The following SNX19 variants were observed in gnomAD, a reference collection of about 807,000 sequenced individuals.
SNX19 encodes the protein sorting nexin-19.
In SNX19, 60 loss-of-function variants were observed where a neutral mutation model predicts 85.2. The ratio of observed to expected loss-of-function variants is 0.70; its 90% confidence interval spans 0.57 to 0.87. SNX19 has a LOEUF of 0.87. Ranked by LOEUF, SNX19 falls within the 40% of genes least tolerant of loss-of-function variation. SNX19 has a pLI of 0.00. For missense variants in SNX19, 1,201 were observed against 1,217.8 expected, an observed-to-expected ratio of 0.99 and a Z score of 0.21; for synonymous variants, 520 against 470.0, an observed-to-expected ratio of 1.11 and a Z score of -1.38.
rs938162241 is a variant in SNX19, at chr11:130,911,418, T to C, written c.1813+215A>G. On this transcript the variant is annotated intron_variant, in intron 2 of 10. Coordinates refer to ENST00000265909, the MANE Select transcript of SNX19 (RefSeq NM_014758.3). ...TTTTTAATCTTAAACTAGATGGGGC[T>C]CCAGAACAAAGCAGTTGGCAGTAAA... 3.7e-6 allele frequency: 5 copies of C among 1,350,018 alleles called. No individual in the cohort carries two copies. The African/African-American group carries it at 5.9e-5, about 16-fold the overall frequency. The allele number at this position is 1,350,018 out of a possible 1,614,324, so 83.6% of individuals were successfully genotyped here.
chr11:130,873,569 T>C lies in SNX19; in HGVS notation c.*4853A>G, dbSNP rs1264906955. Among the ~76,000 whole-genome samples, 1 of 152,166 alleles carries C rather than the reference T, an allele frequency of 6.6e-6. No individual in the cohort carries two copies. Among genetic ancestry groups the C allele is most frequent in the Non-Finnish European group, 1.5e-5 (1 of 68,014 alleles). On this transcript the variant is annotated 3_prime_UTR_variant, in exon 11 of 11. Transcript: ENST00000265909. ...TAAGACATAACCACTCTGTGCCTCA[T>C]GTTCCCCACCTAGAAAATGGGGATA... is the stretch of plus-strand genomic sequence containing the variant.
At chr11:130,889,041 T>C (rs907307320) in intron 8 of SNX19, among the ~76,000 whole-genome samples, 2 of 152,164 alleles carry the variant, frequency 1.3e-5, no homozygotes, top group South Asian at 4.1e-4. Flanking sequence ...TACTACAGCA[T>C]CTGTCCCAAA....
chr11:130,893,562 T>TA, intron 8 of SNX19, among the ~76,000 whole-genome samples: 1 of 152,052 alleles, frequency 6.6e-6, no homozygotes, highest in Admixed American at 6.5e-5. Context: ...GGCTGAAATG[T>TA]AAAACCTTTC....
Position 130,915,884 on chromosome 11 carries a change from T to A in SNX19, c.56A>T (p.His19Leu). The change falls in exon 1 of 11, where the codon CAC (histidine) becomes CTC (leucine). Residue 19 changes from histidine (H) to leucine (L), a missense_variant. Coordinates refer to ENST00000265909, the MANE Select transcript of SNX19 (RefSeq NM_014758.3). ...FQETPAGSSC[H>L]LNNLLSSRKL... Reference sequence around the variant, plus strand: ...CCGGCTACTCAACAGGTTATTGAGGTGACAGCTCGATCCAGCTGGAGTTTC... The same window carrying A: ...CCGGCTACTCAACAGGTTATTGAGGAGACAGCTCGATCCAGCTGGAGTTTC... The A allele has an allele frequency of 6.2e-7, 1 of 1,614,134 alleles. No homozygotes were observed. Among genetic ancestry groups the A allele is most frequent in the Non-Finnish European group, 8.5e-7 (1 of 1,179,994 alleles).
At position 130,872,932 on chromosome 11, in the gene SNX19, C is replaced by T. The variant is rs117410247; in HGVS notation, c.*5490G>A. Among the ~76,000 whole-genome samples, 626 of 152,270 alleles carry T rather than the reference C, an allele frequency of 4.1e-3. 2 individuals are homozygous for T. Among genetic ancestry groups the T allele is most frequent in the Middle Eastern group, 0.01 (3 of 294 alleles). Reference sequence around the variant, plus strand: ...GGTGTGGAGGGGGCTGTGGGAGGTACGGCTTGCCAGGACAACTTGGCTGAA... The same window carrying T: ...GGTGTGGAGGGGGCTGTGGGAGGTATGGCTTGCCAGGACAACTTGGCTGAA... On this transcript the variant is annotated 3_prime_UTR_variant, in exon 11 of 11. Coordinates refer to ENST00000265909, the MANE Select transcript of SNX19 (RefSeq NM_014758.3).
chr11:130,869,981 A>C lies in SNX19; in HGVS notation c.*8441T>G, dbSNP rs1412129259. ...AATAGGAGAAATGACAGATATGAAG[A>C]GTTTTTTGAAGAAAGTTTCTTCTCT... On this transcript the variant is annotated 3_prime_UTR_variant, in exon 11 of 11. Transcript: ENST00000265909. The C allele has an allele frequency of 6.6e-6, 1 of 152,098 alleles. No individual in the cohort carries two copies. Among genetic ancestry groups the C allele is most frequent in the Non-Finnish European group, 1.5e-5 (1 of 68,012 alleles). 9.4% of individuals were successfully genotyped at this position (152,098 alleles called of 1,614,324 possible).
In SNX19 at chr11:130,902,871, C is replaced by G. The variant is rs1244242468; in HGVS notation, c.2573+384G>C. Among the ~76,000 whole-genome samples the G allele has an allele frequency of 2.0e-5, 3 of 152,154 alleles. No individual in the cohort carries two copies. In the East Asian group the frequency reaches 5.8e-4, roughly 29 times the overall value. On this transcript the variant is annotated intron_variant, in intron 8 of 10. Coordinates refer to ENST00000265909, the MANE Select transcript of SNX19 (RefSeq NM_014758.3). ...TGATCTGTTTTCTCCTTTTCTTTCC[C>G]ACTGTTTATCATCACAGTGATGACA...
intron 2 of SNX19, among the ~76,000 whole-genome samples, chr11:130,910,850 A>T (rs1216920372): frequency 6.6e-6 from 1 of 152,216 alleles, no homozygotes; most frequent in East Asian, 1.9e-4. Context: ...AATCATTTTT[A>T]AAAAACAAAG....
chr11:130,901,150 C>T (rs1409671952), intron 8 of SNX19, among the ~76,000 whole-genome samples: 1 of 152,200 alleles, frequency 6.6e-6, no homozygotes, highest in African/African-American at 2.4e-5. Flanking sequence ...CCTTGGCCTA[C>T]ATCCACTAGA....
intron 1 of SNX19, among the ~76,000 whole-genome samples, chr11:130,913,121 C>T (rs1010969823): frequency 6.6e-6 from 1 of 152,096 alleles, no homozygotes; most frequent in South Asian, 2.1e-4. Context: ...TTCTATCCAT[C>T]AACTTAATTT....
chr11:130,916,300 G>A lies in SNX19; in HGVS notation c.-361C>T, dbSNP rs1946580564. The A allele has an allele frequency of 8.7e-6, 2 of 229,744 alleles. No homozygotes were observed. The highest frequency in any genetic ancestry group is 4.5e-5 in the African/African-American group (2 of 44,146). The allele number at this position is 229,744 out of a possible 1,614,324, so 14.2% of individuals were successfully genotyped here. ...CTTACACACGCAGCGGGCAGCGGCC[G>A]GCGAAGACTGGGTCACACGCCGCCG... On this transcript the variant is annotated 5_prime_UTR_variant, in exon 1 of 11. Transcript: ENST00000265909.
intron 8 of SNX19, among the ~76,000 whole-genome samples, chr11:130,888,855 T>C (rs1592298191): frequency 2.0e-5 from 3 of 152,340 alleles, no homozygotes; most frequent in Admixed American, 2.0e-4. Context: ...TTACGTGCTC[T>C]ATTATTATTT....
At chr11:130,904,642 TAAG>T (rs151031379) in intron 7 of SNX19, among the ~76,000 whole-genome samples, 23,994 of 151,390 alleles carry the variant, frequency 0.16, 2,143 homozygotes, top group Middle Eastern at 0.25. Flanking sequence ...CAGTGAAAAA[TAAG>T]AAAGCAAACA....
chr11:130,884,055 G>C (rs1943879223), intron 8 of SNX19, among the ~76,000 whole-genome samples: 1 of 152,182 alleles, frequency 6.6e-6, no homozygotes, highest in South Asian at 2.1e-4. Context: ...ACTGCCACTG[G>C]TTCTTGAGAG....
At chr11:130,902,221 A>G (rs897918122) in intron 8 of SNX19, among the ~76,000 whole-genome samples, 5 of 152,220 alleles carry the variant, frequency 3.3e-5, no homozygotes, top group Non-Finnish European at 7.3e-5. Flanking sequence ...ACCACTATAA[A>G]AAAGTACATG....
At chr11:130,901,715 C>T (rs1406095865) in intron 8 of SNX19, 1 of 152,082 alleles carries the variant, frequency 6.6e-6, no homozygotes, top group Non-Finnish European at 1.5e-5. Flanking sequence ...CCTTTTCAAA[C>T]AAAGCGTTAC....
At chr11:130,906,970 T>C (rs6590538) in intron 5 of SNX19, among the ~76,000 whole-genome samples, 96,873 of 152,096 alleles carry the variant, frequency 0.64, 31,118 homozygotes, top group South Asian at 0.8. Context: ...TGTGAAATGG[T>C]TTCTGCTAAG....
At chr11:130,892,216 T>C (rs1944549249) in intron 8 of SNX19, among the ~76,000 whole-genome samples, 1 of 150,266 alleles carries the variant, frequency 6.7e-6, no homozygotes, top group African/African-American at 2.5e-5. Flanking sequence ...TTTGGCCCCA[T>C]ACTATGTTGC....
chr11:130,915,671 G>A lies in SNX19; in HGVS notation c.269C>T (p.Pro90Leu), dbSNP rs1243645559. 6 of 1,614,254 alleles carry A rather than the reference G, an allele frequency of 3.7e-6. No individual in the cohort carries two copies. The East Asian group carries it at 1.1e-4, about 30-fold the overall frequency. ...ERFIPLATCP[P>L]CPEAERQLER... ...CAGCTGCCTTTCTGCCTCAGGGCAT[G>A]GAGGACAGGTGGCCAACGGGATGAA... Residue 90 changes from proline to leucine, a missense_variant, in exon 1 of 11, where the codon CCA becomes CTA. Physicochemically the swap from Pro to Leu is moderately conservative, Grantham distance 98 (BLOSUM62 -3). Transcript: ENST00000265909.
Sources: gnomAD v4.1 joint callset for allele counts (sites outside exome capture counted in the v4.1 genomes callset) on GRCh38, gnomAD v4.1.1 for gene constraint, MANE v1.5 for transcripts, NCBI Gene and HGNC (gene_info 2026-07-23, HGNC 2026-07-21) for gene names.